The following MAP3K5 variants were observed in gnomAD, a reference collection of about 807,000 sequenced individuals.
MAP3K5 encodes the protein mitogen-activated protein kinase kinase kinase 5, also known as ASK-1.
A neutral mutation model predicts 158.7 loss-of-function variants in MAP3K5; 56 were observed. The ratio of observed to expected loss-of-function variants is 0.35; its 90% confidence interval spans 0.28 to 0.44. The LOEUF (loss-of-function observed/expected upper bound fraction) is 0.44. Ranked by LOEUF, MAP3K5 falls within the 20% of genes least tolerant of loss-of-function variation. MAP3K5 has a pLI of 1.00. For synonymous variants in MAP3K5, 579 were observed against 601.7 expected (o/e 0.96, Z 0.55); for missense variants, 1,294 against 1,674.8 (o/e 0.77, Z 3.97).
At chr6:136,612,183 A>G (rs1776374817) in intron 17 of MAP3K5, among the ~76,000 whole-genome samples, 3 of 152,278 alleles carry the variant, frequency 2.0e-5, no homozygotes, top group East Asian at 1.9e-4. Flanking sequence ...GCTGATTTGA[A>G]TAATTATAAG....
At chr6:136,589,090 G>C (rs780244770) in intron 23 of MAP3K5, among the ~76,000 whole-genome samples, 1 of 152,230 alleles carries the variant, frequency 6.6e-6, no homozygotes, top group Non-Finnish European at 1.5e-5. Flanking sequence ...GAAGCACAGT[G>C]AGTTTCTCAA....
chr6:136,739,668 A>G (rs1161104285), intron 1 of MAP3K5, among the ~76,000 whole-genome samples: 1 of 152,222 alleles, frequency 6.6e-6, no homozygotes, highest in East Asian at 1.9e-4. Flanking sequence ...TATGGACACA[A>G]CCAACATTTG....
chr6:136,674,046 C>T (rs2114552671), intron 7 of MAP3K5, among the ~76,000 whole-genome samples: 1 of 151,354 alleles, frequency 6.6e-6, no homozygotes, highest in Admixed American at 6.6e-5. Flanking sequence ...TTCAAAGGAG[C>T]AATAAAATTG....
intron 18 of MAP3K5, 152 bp downstream of exon 18, chr6:136,611,130 A>T (rs1025030674): frequency 9.8e-5 from 47 of 477,484 alleles, no homozygotes; most frequent in Non-Finnish European, 1.3e-4. Flanking sequence ...AAAAAAAAAA[A>T]AAAAGAAAGA....
chr6:136,686,357 CAGT>C (rs1263779568), intron 7 of MAP3K5, among the ~76,000 whole-genome samples: 103 of 152,224 alleles, frequency 6.8e-4, no homozygotes, highest in African/African-American at 2.4e-3. Flanking sequence ...CTTTGAAAAG[CAGT>C]AGAAGACAAG....
At chr6:136,564,385 T>C (rs925454573) in intron 26 of MAP3K5, among the ~76,000 whole-genome samples, 6 of 152,128 alleles carry the variant, frequency 3.9e-5, no homozygotes, top group Admixed American at 6.5e-5. Flanking sequence ...CAAAGACAGC[T>C]GCAGGGTAAG....
intron 26 of MAP3K5, 69 bp from the exon 27 acceptor site, chr6:136,562,684 T>G: frequency 1.3e-6 from 1 of 787,494 alleles, no homozygotes; most frequent in East Asian, 2.7e-5. Flanking sequence ...TATTTTTATT[T>G]TTTTAGATAC....
At chr6:136,711,549 C>A (rs1441831599) in intron 2 of MAP3K5, among the ~76,000 whole-genome samples, 1 of 150,674 alleles carries the variant, frequency 6.6e-6, no homozygotes, top group Non-Finnish European at 1.5e-5. Context: ...GCCTATACAC[C>A]CAGCTACTCA....
chr6:136,690,596 T>C (rs1286892708), intron 7 of MAP3K5, among the ~76,000 whole-genome samples: 1 of 152,194 alleles, frequency 6.6e-6, no homozygotes, highest in Non-Finnish European at 1.5e-5. Context: ...TTCAAAAATA[T>C]GTTTATTGGC....
At chr6:136,642,663 C>CA (rs1778040143) in intron 11 of MAP3K5, 94 bp from the exon 12 acceptor site, 2 of 829,566 alleles carry the variant, frequency 2.4e-6, no homozygotes, top group African/African-American at 1.7e-5. Context: ...GTGATATACA[C>CA]AGCCATTTTT....
At chr6:136,597,935 C>G (rs542645229) in intron 21 of MAP3K5, among the ~76,000 whole-genome samples, 85 of 152,282 alleles carry the variant, frequency 5.6e-4, no homozygotes, top group Admixed American at 1.9e-3. Context: ...TGTCTAATAG[C>G]CACATATGAC....
intron 10 of MAP3K5, among the ~76,000 whole-genome samples, chr6:136,653,968 C>T (rs6910459): frequency 0.11 from 16,737 of 152,110 alleles, 1,688 homozygotes; most frequent in East Asian, 0.26. Context: ...GGGGAAAACA[C>T]TGCATTTTAG....
intron 1 of MAP3K5, among the ~76,000 whole-genome samples, chr6:136,759,454 C>CTA (rs570186848): frequency 0.094 from 9,184 of 97,992 alleles, 726 homozygotes; most frequent in African/African-American, 0.18. Context: ...TATACTAAAA[C>CTA]TATATATATA....
chr6:136,638,178 G>T (rs1777740991), intron 13 of MAP3K5, among the ~76,000 whole-genome samples: 1 of 152,022 alleles, frequency 6.6e-6, no homozygotes, highest in Admixed American at 6.5e-5. Context: ...GAATGAGAGA[G>T]AAAAGCTAGT....
At chr6:136,577,160 T>C (rs2129073799) in intron 25 of MAP3K5, among the ~76,000 whole-genome samples, 1 of 152,330 alleles carries the variant, frequency 6.6e-6, no homozygotes, top group South Asian at 2.1e-4. Context: ...AACTATAGTA[T>C]CTTGCATCTG....
At chr6:136,675,661 T>C (rs532345653) in intron 7 of MAP3K5, among the ~76,000 whole-genome samples, 4 of 152,194 alleles carry the variant, frequency 2.6e-5, no homozygotes, top group Admixed American at 6.5e-5. Flanking sequence ...CCTTTAAATG[T>C]AGATATTGGA....
At chr6:136,670,799 T>A (rs1583388779) in intron 7 of MAP3K5, among the ~76,000 whole-genome samples, 3 of 152,254 alleles carry the variant, frequency 2.0e-5, no homozygotes, top group South Asian at 4.1e-4. Flanking sequence ...TAACTATGAA[T>A]CTTAACTAGT....
intron 1 of MAP3K5, among the ~76,000 whole-genome samples, chr6:136,747,792 G>A (rs1783025505): frequency 1.3e-5 from 2 of 152,184 alleles, no homozygotes; most frequent in African/African-American, 2.4e-5. Context: ...CCATGCTGCT[G>A]TGTAGGGACC....
chr6:136,591,335 T>G lies in MAP3K5; in HGVS notation c.3225+838A>C, dbSNP rs116756961. On this transcript the variant is annotated intron_variant, in intron 23 of 29. Coordinates refer to ENST00000359015, the MANE Select transcript of MAP3K5 (RefSeq NM_005923.4). ...TGGTCTCAGTGTGGGTGTGTGTGTG[T>G]ATGTACCCTGCAGTGGAATAGTGTC... Among the ~76,000 whole-genome samples, 1,184 of 152,344 alleles carry G rather than the reference T, an allele frequency of 7.8e-3. 14 individuals are homozygous for G. Among genetic ancestry groups the G allele is most frequent in the African/African-American group, 0.025 (1,053 of 41,578 alleles).
Sources: allele counts gnomAD v4.1 joint callset (sites outside exome capture counted in the v4.1 genomes callset), GRCh38; gene constraint gnomAD v4.1.1; transcripts MANE v1.5; gene names NCBI Gene and HGNC (gene_info 2026-07-23, HGNC 2026-07-21).